Variants in MED12L observed in about 807,000 individuals in gnomAD.
MED12L encodes the protein mediator complex subunit 12L.
A neutral mutation model predicts 281.3 loss-of-function variants in MED12L; 60 were observed. The ratio of observed to expected loss-of-function variants is 0.21; its 90% CI spans 0.17 to 0.26. The LOEUF (loss-of-function observed/expected upper bound fraction) is 0.26. MED12L is among the 10% of genes least tolerant of loss of function. The pLI, the probability that MED12L is intolerant of heterozygous loss-of-function variation, is 1.00. For synonymous variants in MED12L, 974 were observed against 987.2 expected (o/e 0.99, Z 0.25); for missense variants, 2,146 against 2,680.9 (o/e 0.80, Z 4.41).
At chr3:151,415,284 A>T (rs1439798128) in intron 42 of MED12L, among the ~76,000 whole-genome samples, 1 of 152,202 alleles carries the variant, frequency 6.6e-6, no homozygotes, top group African/African-American at 2.4e-5. Context: ...ACAGGATTAT[A>T]CTTCTTTTTT....
At chr3:151,305,932 A>G (rs1292698759) in intron 16 of MED12L, among the ~76,000 whole-genome samples, 3 of 152,232 alleles carry the variant, frequency 2.0e-5, no homozygotes, top group Non-Finnish European at 4.4e-5. Flanking sequence ...GCTAGCATCC[A>G]GCATGAACAA....
intron 9 of MED12L, 49 bp downstream of exon 9, chr3:151,164,091 G>T: frequency 6.3e-7 from 1 of 1,594,132 alleles, no homozygotes; most frequent in Non-Finnish European, 8.6e-7. Context: ...TTCTTGACAG[G>T]CATCAGGGCA....
chr3:151,130,868 T>G (rs1280267665), intron 5 of MED12L, among the ~76,000 whole-genome samples: 3 of 152,226 alleles, frequency 2.0e-5, no homozygotes, highest in African/African-American at 7.2e-5. Context: ...TTTTTGATCA[T>G]CTGTCTACAT....
intron 16 of MED12L, among the ~76,000 whole-genome samples, chr3:151,323,112 A>G (rs1196888994): frequency 6.6e-6 from 1 of 152,158 alleles, no homozygotes; most frequent in Non-Finnish European, 1.5e-5. Context: ...CCCATTGCTA[A>G]TATATTTTAC....
At chr3:151,160,224 A>G in intron 8 of MED12L, 123 bp downstream of exon 8, 3 of 877,654 alleles carry the variant, frequency 3.4e-6, no homozygotes, top group Non-Finnish European at 5.2e-6. Flanking sequence ...CACCCAAGTA[A>G]TTTATTGATT....
chr3:151,250,074 C>A (rs1736540426), intron 16 of MED12L, among the ~76,000 whole-genome samples: 1 of 152,138 alleles, frequency 6.6e-6, no homozygotes, highest in Non-Finnish European at 1.5e-5. Flanking sequence ...CCAGTCGGTA[C>A]CTTTATCTCC....
chr3:151,205,922 G>A (rs1183900951), intron 16 of MED12L, among the ~76,000 whole-genome samples: 1 of 152,002 alleles, frequency 6.6e-6, no homozygotes, highest in Non-Finnish European at 1.5e-5. Context: ...TTCAGCCTCT[G>A]GAATGTGAAT....
At chr3:151,269,861 C>T (rs757568407) in intron 16 of MED12L, 20 of 457,560 alleles carry the variant, frequency 4.4e-5, no homozygotes, top group Non-Finnish European at 2.6e-5. Context: ...CAGGAAGAGG[C>T]AGCACGAAGA....
intron 13 of MED12L, among the ~76,000 whole-genome samples, chr3:151,190,089 G>A (rs1351475289): frequency 1.3e-5 from 2 of 152,102 alleles, no homozygotes; most frequent in Non-Finnish European, 2.9e-5. Context: ...CCAGAGGACG[G>A]CAGTCTAGTC....
At chr3:151,123,517 A>G (rs1244749902) in intron 4 of MED12L, among the ~76,000 whole-genome samples, 2 of 152,170 alleles carry the variant, frequency 1.3e-5, no homozygotes, top group Admixed American at 6.5e-5. Flanking sequence ...GGTTCTTTTA[A>G]AATCTTTGCC....
chr3:151,161,771 G>T lies in MED12L; in HGVS notation c.1107+1670G>T, dbSNP rs76111686. ...CTGGAATCCAAACCAAAGCAATCAG[G>T]ATCCAGAGTCCACACTCAACCACTA... is the stretch of plus-strand genomic sequence containing the variant. On this transcript the variant is annotated intron_variant, in intron 8 of 44. Coordinates refer to ENST00000687756, the MANE Select transcript of MED12L (RefSeq NM_001393769.1). Among the ~76,000 whole-genome samples, 3 of 152,264 alleles carry T rather than the reference G, an allele frequency of 2.0e-5. No homozygotes were observed. In the East Asian group the frequency reaches 5.8e-4, roughly 29 times the overall value.
intron 32 of MED12L, among the ~76,000 whole-genome samples, chr3:151,381,186 T>G (rs1712270094): frequency 6.6e-6 from 1 of 152,200 alleles, no homozygotes; most frequent in Non-Finnish European, 1.5e-5. Flanking sequence ...AATTGACCCC[T>G]TCTTGTGGCA....
Position 151,385,204 on chromosome 3 carries a change from GT to G in MED12L, c.5088+19del, listed in dbSNP as rs543318065. 7.7e-5 allele frequency: 92 copies of G among 1,202,590 alleles called. No individual in the cohort carries two copies. The African/African-American group carries it at 1.2e-3, about 16-fold the overall frequency. 74.5% of individuals were successfully genotyped at this position (1,202,590 alleles called of 1,614,324 possible). A position where few individuals can be genotyped will look rare whatever the true frequency, so the allele number is the denominator to read the frequency against. On this transcript the variant is annotated intron_variant, in intron 36 of 44. Coordinates refer to ENST00000687756, the MANE Select transcript of MED12L (RefSeq NM_001393769.1). ...AGATAAAAAACAGGCAAGAGTGAAT[GT>G]TTTTTCTTATATATAAATTTATTTA...
rs545437120 is a variant in MED12L, at chr3:151,222,606, C to G, written c.2250+28940C>G. Among the ~76,000 whole-genome samples the G allele has an allele frequency of 4.6e-5, 7 of 152,316 alleles. No individual in the cohort carries two copies. In the East Asian group the frequency reaches 1.3e-3, roughly 29 times the overall value. ...TGCCACCATGTGAGATGTGCTCCAC[C>G]ATGATTGTGAAGCCTCCTCAGCCAT... On this transcript the variant is annotated intron_variant, in intron 16 of 44. Coordinates refer to ENST00000687756, the MANE Select transcript of MED12L (RefSeq NM_001393769.1).
Position 151,404,959 on chromosome 3 carries a change from A to G in MED12L, c.5821-4284A>G, listed in dbSNP as rs906615347. On this transcript the variant is annotated intron_variant, in intron 39 of 44. Coordinates refer to ENST00000687756, the MANE Select transcript of MED12L (RefSeq NM_001393769.1). ...ACAGATCAGATTAAGACACAGAAGA[A>G]TGAAAATTATGTTCGAGGATCATTA... Among the ~76,000 whole-genome samples, 26 of 152,342 alleles carry G rather than the reference A, an allele frequency of 1.7e-4. 1 individual carries two copies. The highest frequency in any genetic ancestry group is 6.3e-4 in the African/African-American group (26 of 41,594).
chr3:151,377,818 C>CCAA (rs1711518013), intron 30 of MED12L, among the ~76,000 whole-genome samples, 194 bp from the exon 31 acceptor site: 1 of 152,136 alleles, frequency 6.6e-6, no homozygotes, highest in Non-Finnish European at 1.5e-5. Context: ...TTATTGCTTT[C>CCAA]TGTAGGCTTA....
rs1719548691 is a variant in MED12L, at chr3:151,088,303, G to A, written c.99+1278G>A. Among the ~76,000 whole-genome samples, 6 of 152,268 alleles carry A rather than the reference G, an allele frequency of 3.9e-5. No individual in the cohort carries two copies. The South Asian group carries it at 1.0e-3, about 26-fold the overall frequency. ...GTTTCCAGCACCAGCTTTACAGGAT[G>A]GTAGAGGTTTGAGAAGATTTCCCAG... On this transcript the variant is annotated intron_variant, in intron 2 of 44. Coordinates refer to ENST00000687756, the MANE Select transcript of MED12L (RefSeq NM_001393769.1).
chr3:151,191,667 G>T (rs555720504), intron 14 of MED12L, among the ~76,000 whole-genome samples: 2 of 152,312 alleles, frequency 1.3e-5, no homozygotes, highest in South Asian at 4.1e-4. Flanking sequence ...AGCACTTTGG[G>T]AGACTGAGGC....
At chr3:151,286,315 G>T (rs564563435) in intron 16 of MED12L, among the ~76,000 whole-genome samples, 2 of 152,198 alleles carry the variant, frequency 1.3e-5, no homozygotes, top group South Asian at 4.2e-4. Context: ...ATAGTATTAG[G>T]AAAGATTTGT....
Sources: allele counts gnomAD v4.1 joint callset (sites outside exome capture counted in the v4.1 genomes callset), GRCh38; gene constraint gnomAD v4.1.1; transcripts MANE v1.5; gene names NCBI Gene and HGNC (gene_info 2026-07-23, HGNC 2026-07-21).